Variants in GPC6 observed in about 807,000 individuals in gnomAD.
GPC6 encodes the protein glypican 6, also known as glypican-6.
A neutral mutation model predicts 55.2 loss-of-function variants in GPC6; 14 were observed. The observed-to-expected ratio is 0.25, with a 90% CI of 0.17 to 0.40. The LOEUF (loss-of-function observed/expected upper bound fraction) is 0.40. Ranked by LOEUF, GPC6 falls within the 10% of genes least tolerant of loss-of-function variation. The probability of loss-of-function intolerance (pLI) is 1.00; values close to 1 mark genes in which losing one functional copy is unlikely to be tolerated. For missense variants in GPC6, 641 were observed against 708.5 expected (o/e 0.90, Z 1.08); for synonymous variants, 278 against 259.6 (o/e 1.07, Z -0.68).
intron 1 of GPC6, among the ~76,000 whole-genome samples, chr13:93,420,839 G>A (rs754583324): frequency 1.3e-5 from 2 of 152,068 alleles, no homozygotes; most frequent in African/African-American, 2.4e-5. Flanking sequence ...TACTCTCATG[G>A]AGTTTTGACT....
chr13:93,328,027 T>C (rs1879717277), intron 1 of GPC6, among the ~76,000 whole-genome samples: 2 of 152,086 alleles, frequency 1.3e-5, no homozygotes, highest in Admixed American at 1.3e-4. Context: ...TGGTTTTATA[T>C]TTTTTATTTT....
chr13:93,295,106 C>A (rs1483453568), intron 1 of GPC6, among the ~76,000 whole-genome samples: 1 of 106,666 alleles, frequency 9.4e-6, no homozygotes, highest in African/African-American at 4.0e-5. Context: ...AACTCTGTCT[C>A]TGCAAAAAAA....
At position 93,671,954 on chromosome 13, in the gene GPC6, A is replaced by T. The variant is rs374112939; in HGVS notation, c.319+126533A>T. ...CCTATGGACATTGAATCCACAACTC[A>T]TTATAAAGAAATTCAGCAAGATGAC... On this transcript the variant is annotated intron_variant, in intron 2 of 8. Transcript: ENST00000377047. 2.6e-5 allele frequency among the ~76,000 whole-genome samples: 4 copies of T among 152,224 alleles called. No homozygotes were observed. The East Asian group carries it at 5.8e-4, about 22-fold the overall frequency.
intron 3 of GPC6, among the ~76,000 whole-genome samples, chr13:93,835,844 C>T (rs1189373291): frequency 2.0e-5 from 3 of 152,148 alleles, no homozygotes; most frequent in Admixed American, 2.0e-4. Context: ...ATCATTTCAA[C>T]TTTGCAAGTC....
At chr13:93,684,233 T>C (rs1001339591) in intron 2 of GPC6, among the ~76,000 whole-genome samples, 1 of 152,166 alleles carries the variant, frequency 6.6e-6, no homozygotes, top group Non-Finnish European at 1.5e-5. Context: ...TTGCCCAGCC[T>C]GGAGTGCAGT....
At chr13:93,358,275 T>G (rs1267834811) in intron 1 of GPC6, among the ~76,000 whole-genome samples, 1 of 151,898 alleles carries the variant, frequency 6.6e-6, no homozygotes, top group African/African-American at 2.4e-5. Context: ...GCCTGGGAGA[T>G]CGAGCAGTGA....
At chr13:94,152,648 G>A (rs963877450) in intron 4 of GPC6, among the ~76,000 whole-genome samples, 1 of 140,150 alleles carries the variant, frequency 7.1e-6, no homozygotes, top group Non-Finnish European at 1.5e-5. Context: ...ACATCCTCAA[G>A]CCTACTTTAA....
In GPC6 at chr13:94,212,362, T is replaced by C. The variant is rs148226059; in HGVS notation, c.878-73987T>C. 1.1e-4 allele frequency among the ~76,000 whole-genome samples: 16 copies of C among 152,322 alleles called. No individual in the cohort carries two copies. In the East Asian group the frequency reaches 2.7e-3, roughly 26 times the overall value. On this transcript the variant is annotated intron_variant, in intron 4 of 8. Coordinates refer to ENST00000377047, the MANE Select transcript of GPC6 (RefSeq NM_005708.5). ...TTCTTTGTTGAACTGCTCACTGATATGTGGATCTAGGAAAGTCATTTCTCT... is the reference window on the plus strand; with the variant it reads ...TTCTTTGTTGAACTGCTCACTGATACGTGGATCTAGGAAAGTCATTTCTCT...
chr13:94,100,741 G>A (rs1885825586), intron 4 of GPC6, among the ~76,000 whole-genome samples: 1 of 132,062 alleles, frequency 7.6e-6, no homozygotes, highest in African/African-American at 2.6e-5. Context: ...TAGCCTGGGT[G>A]AATTCTTTAA....
chr13:93,640,652 A>G (rs937041773), intron 2 of GPC6, among the ~76,000 whole-genome samples: 2 of 151,870 alleles, frequency 1.3e-5, no homozygotes, highest in African/African-American at 4.8e-5. Flanking sequence ...AAAGCAGCCA[A>G]GCAAATATTT....
intron 3 of GPC6, among the ~76,000 whole-genome samples, chr13:93,927,548 G>T (rs765629631): frequency 6.6e-6 from 1 of 152,080 alleles, no homozygotes; most frequent in Non-Finnish European, 1.5e-5. Context: ...CCAAAGATAT[G>T]CAGAGTTCAA....
intron 2 of GPC6, among the ~76,000 whole-genome samples, chr13:93,609,186 C>T (rs1049572217): frequency 5.3e-5 from 8 of 152,120 alleles, no homozygotes; most frequent in African/African-American, 1.9e-4. Context: ...TTGCCACCTA[C>T]ATTCTTTCTT....
intron 3 of GPC6, among the ~76,000 whole-genome samples, chr13:93,965,202 G>A (rs1879986290): frequency 6.8e-6 from 1 of 146,694 alleles, no homozygotes; most frequent in African/African-American, 2.5e-5. Context: ...ACACGGTCAG[G>A]AGATTGAGAC....
rs148031443 is a variant in GPC6, at chr13:94,404,223, A to G, written c.*1006A>G. On this transcript the variant is annotated 3_prime_UTR_variant, in exon 9 of 9. Transcript: ENST00000377047. ...CATTCCTGAGTTTTCATTTTTAACT[A>G]TTTACTTTGTGTCAGTTGGTTTCTG... The G allele has an allele frequency of 2.0e-5, 3 of 152,056 alleles. No homozygotes were observed. The highest frequency in any genetic ancestry group is 7.2e-5 in the African/African-American group (3 of 41,458). The allele number at this position is 152,056 out of a possible 1,614,324, so 9.4% of individuals were successfully genotyped here.
intron 4 of GPC6, among the ~76,000 whole-genome samples, chr13:94,046,508 G>C (rs1039048492): frequency 6.6e-6 from 1 of 151,986 alleles, no homozygotes; most frequent in African/African-American, 2.4e-5. Flanking sequence ...TCAGAACAGA[G>C]CCGGGAAAAT....
intron 1 of GPC6, among the ~76,000 whole-genome samples, chr13:93,343,677 C>A (rs1332293780): frequency 6.6e-6 from 1 of 152,198 alleles, no homozygotes; most frequent in African/African-American, 2.4e-5. Context: ...ACAATATCTC[C>A]TATAGAATTG....
chr13:94,162,820 C>T (rs936719196), intron 4 of GPC6, among the ~76,000 whole-genome samples: 5 of 151,974 alleles, frequency 3.3e-5, no homozygotes, highest in Non-Finnish European at 7.4e-5. Context: ...GGAAGTAGTT[C>T]ATTTTATGGA....
Position 93,925,886 on chromosome 13 carries a change from G to A in GPC6, c.711+95341G>A, listed in dbSNP as rs180698301. Among the ~76,000 whole-genome samples, 6 of 152,322 alleles carry A rather than the reference G, an allele frequency of 3.9e-5. No homozygotes were observed. The East Asian group carries it at 5.8e-4, about 15-fold the overall frequency. ...ACTGTCTTTGGGGACTGAAATGGGCGAGATGGCTCCTTACTCACATGTTTG... is the reference window on the plus strand; with the variant it reads ...ACTGTCTTTGGGGACTGAAATGGGCAAGATGGCTCCTTACTCACATGTTTG... On this transcript the variant is annotated intron_variant, in intron 3 of 8. Transcript: ENST00000377047.
chr13:93,872,729 C>A (rs1271085659), intron 3 of GPC6, among the ~76,000 whole-genome samples: 1 of 152,056 alleles, frequency 6.6e-6, no homozygotes, highest in African/African-American at 2.4e-5. Context: ...TTCACCTCTG[C>A]AAAATCCTTT....
Sources: gnomAD v4.1 joint callset for allele counts (sites outside exome capture counted in the v4.1 genomes callset) on GRCh38, gnomAD v4.1.1 for gene constraint, MANE v1.5 for transcripts, NCBI Gene and HGNC (gene_info 2026-07-23, HGNC 2026-07-21) for gene names.